The following RBP5 variants were observed in gnomAD, a reference collection of about 807,000 sequenced individuals.
The protein encoded by RBP5 is retinol binding protein 5, also known as retinol-binding protein 5.
RBP5 carries 12 observed loss-of-function variants against 17.8 expected under a neutral mutation model. That is an observed-to-expected ratio of 0.67 (90% confidence interval 0.43 to 1.09). RBP5 has a LOEUF of 1.09. Ranked by LOEUF, RBP5 falls within the 50% of genes least tolerant of loss-of-function variation. RBP5 has a pLI of 0.00. For missense variants in RBP5, 172 were observed against 169.4 expected, an observed-to-expected ratio of 1.02 and a Z score of -0.09; for synonymous variants, 64 against 68.1, an observed-to-expected ratio of 0.94 and a Z score of 0.30.
downstream of RBP5, chr12:7,121,977 A>T (rs2290240): frequency 0.19 from 28,869 of 154,292 alleles, 3,048 homozygotes; most frequent in East Asian, 0.44. Flanking sequence ...CTCCACTCAC[A>T]TCTTGGTCCC....
In RBP5 at chr12:7,124,744, A is replaced by C. The variant is rs1565644776; in HGVS notation, c.253-14T>G. On this transcript the variant is annotated splice_polypyrimidine_tract_variant and intron_variant, in intron 2 of 3. Coordinates refer to ENST00000266560, the MANE Select transcript of RBP5 (RefSeq NM_031491.4). This position sits in a 1 kb window ranked among gnomAD's most constrained non-coding sequence, Gnocchi z 5.3. ...GGTTACTATGGTCTATAGGGGAAAG[A>C]GGGAGTAAAGAAAGATTAGGAGGCA... 1 of 1,502,448 alleles carries C rather than the reference A, an allele frequency of 6.7e-7. No homozygotes were observed. The allele number at this position is 1,502,448 out of a possible 1,614,324, so 93.1% of individuals were successfully genotyped here.
At position 7,117,659 on chromosome 12, in the gene RBP5, C is replaced by A. The variant is rs979640261; in HGVS notation, n.890-352G>T. 1 of 152,024 alleles carries A rather than the reference C, an allele frequency of 6.6e-6. No homozygotes were observed. The highest frequency in any genetic ancestry group is 2.4e-5 in the African/African-American group (1 of 41,342). 9.4% of individuals were successfully genotyped at this position (152,024 alleles called of 1,614,324 possible). A position where few individuals can be genotyped will look rare whatever the true frequency, so the allele number is the denominator to read the frequency against. ...GAAGACAGCATAGGTTTCAAAAGAA[C>A]CAAGAAGCTGTTGAAAAGGAGAGCA... is the stretch of plus-strand genomic sequence containing the variant. On this transcript the variant is annotated intron_variant and non_coding_transcript_variant, in intron 3 of 3. Transcript: ENST00000619522. This position sits in a 1 kb window ranked among gnomAD's most constrained non-coding sequence, Gnocchi z 4.9.
At chr12:7,116,109 A>G (rs963647692) in exon 4 of RBP5, 5 of 152,228 alleles carry the variant, frequency 3.3e-5, no homozygotes, top group African/African-American at 9.7e-5. Flanking sequence ...GGCTTTAGAT[A>G]TGGCACAACC....
rs754009963 is a variant in RBP5 at position 7,124,076 on chromosome 12, G to A, written c.*45C>T. ...GGCTTGAAGGGGGCACAACAAGAGC[G>A]TCTGTGAGCTGGTGCTGTCTGGAGG... On this transcript the variant is annotated 3_prime_UTR_variant, in exon 4 of 4. Transcript: ENST00000266560. The surrounding 1 kb of genome is among the most constrained non-coding windows in gnomAD (Gnocchi z 5.3). 4.9e-5 allele frequency: 77 copies of A among 1,584,660 alleles called. No homozygotes were observed. The highest frequency in any genetic ancestry group is 6.7e-5 in the African/African-American group (5 of 74,314).
downstream of RBP5, chr12:7,120,800 C>A (rs1259368706): frequency 6.6e-6 from 1 of 152,476 alleles, no homozygotes; most frequent in Non-Finnish European, 1.5e-5. Context: ...CTGAGGCGGG[C>A]AGATTGCTTG....
downstream of RBP5, chr12:7,121,027 C>CAAAAAA (rs111568025): frequency 4.3e-5 from 4 of 92,002 alleles, no homozygotes; most frequent in Admixed American, 2.5e-4. Context: ...GATTCTGTCT[C>CAAAAAA]AAAAAAAAAA....
chr12:7,128,153 G>A lies in RBP5; in HGVS notation c.252+87C>T. On this transcript the variant is annotated intron_variant, in intron 2 of 3. Transcript: ENST00000266560. This position sits in a 1 kb window ranked among gnomAD's most constrained non-coding sequence, Gnocchi z 5.3. ...TCCCCTCCTCCCCGCTGCTCTGGCTGGGGAAGGTCACTTTGTTTTGCCCCA... is the reference window on the plus strand; with the variant it reads ...TCCCCTCCTCCCCGCTGCTCTGGCTAGGGAAGGTCACTTTGTTTTGCCCCA... 1 of 1,239,474 alleles carries A rather than the reference G, an allele frequency of 8.1e-7. No individual in the cohort carries two copies. The highest frequency in any genetic ancestry group is 1.1e-6 in the Non-Finnish European group (1 of 887,818). The allele number at this position is 1,239,474 out of a possible 1,614,324, so 76.8% of individuals were successfully genotyped here. A position where few individuals can be genotyped will look rare whatever the true frequency, so the allele number is the denominator to read the frequency against.
intron 2 of RBP5, chr12:7,127,399 G>A (rs887899712): frequency 2.7e-6 from 1 of 370,324 alleles, no homozygotes; most frequent in African/African-American, 2.0e-5. Context: ...CAAAGTCTTG[G>A]GATTATGGGT....
rs1424816847 is a variant in RBP5, at chr12:7,128,769, G to C, written c.7C>G (p.Pro3Ala). The change falls in exon 1 of 4, where the codon CCC (proline) becomes GCC (alanine). Residue 3 changes from proline to alanine, a missense_variant. By Grantham distance (27) the Pro-to-Ala change is conservative (BLOSUM62 -1). Transcript: ENST00000266560. The surrounding 1 kb of genome is among the most constrained non-coding windows in gnomAD (Gnocchi z 5.3). MP[P>A]NLTGYYRFVS... ...AAGCGGTAGTAGCCAGTGAGGTTGG[G>C]AGGCATTGTGTGGATGAAGGTTTCA... 1 of 1,600,606 alleles carries C rather than the reference G, an allele frequency of 6.2e-7. No individual in the cohort carries two copies. The highest frequency in any genetic ancestry group is 1.7e-5 in the Admixed American group (1 of 57,686).
intron 2 of RBP5, among the ~76,000 whole-genome samples, chr12:7,126,507 GGTGGTGTGTGTGT>G (rs1365324542): frequency 6.7e-5 from 2 of 29,812 alleles, no homozygotes; most frequent in Admixed American, 2.5e-4. Flanking sequence ...TGGTGGTGGT[GGTGGTGTGTGTGT>G]GTGTGTGTGT....
At position 7,128,782 on chromosome 12, in the gene RBP5, G is replaced by C; in HGVS notation, c.-7C>G. On this transcript the variant is annotated 5_prime_UTR_variant, in exon 1 of 4. It adds an upstream start codon to the 5' untranslated region. Transcript: ENST00000266560. The surrounding 1 kb of genome is among the most constrained non-coding windows in gnomAD (Gnocchi z 5.3). ...CAGTGAGGTTGGGAGGCATTGTGTG[G>C]ATGAAGGTTTCAGGAGAATGCAGGA... 1 of 1,594,682 alleles carries C rather than the reference G, an allele frequency of 6.3e-7. No homozygotes were observed. Among genetic ancestry groups the C allele is most frequent in the Non-Finnish European group, 8.5e-7 (1 of 1,170,172 alleles).
Position 7,124,682 on chromosome 12 carries a change from C to T in RBP5, c.301G>A (p.Glu101Lys). 6.2e-7 allele frequency: 1 copy of T among 1,613,376 alleles called. No homozygotes were observed. The highest frequency in any genetic ancestry group is 8.5e-7 in the Non-Finnish European group (1 of 1,179,362). ...EEHLVCVQKG[E>K]VPNRGWRHWL... ...TGTCTCCAGCCCCGGTTGGGGACCT[C>T]CCCTTTCTGCACACACACCAGGTGC... Residue 101 changes from glutamate (E) to lysine (K), a missense_variant, in exon 3 of 4, where the codon GAG (glutamate) becomes AAG (lysine). By Grantham distance (56) the Glu-to-Lys change is moderately conservative (BLOSUM62 1). Transcript: ENST00000266560. This position sits in a 1 kb window ranked among gnomAD's most constrained non-coding sequence, Gnocchi z 5.3.
downstream of RBP5, among the ~76,000 whole-genome samples, chr12:7,119,870 C>A (rs1036433209): frequency 6.6e-6 from 1 of 152,232 alleles, no homozygotes; most frequent in African/African-American, 2.4e-5. Flanking sequence ...TGTATATACT[C>A]CTGCAGCTAG....
chr12:7,129,598 C>A, upstream of RBP5: 2 of 985,428 alleles, frequency 2.0e-6, no homozygotes, highest in Non-Finnish European at 1.2e-6. The surrounding 1 kb of genome is among the most constrained non-coding windows in gnomAD (Gnocchi z 5.5). Context: ...ACCGTAACCC[C>A]CAGTCCCCAG....
downstream of RBP5, among the ~76,000 whole-genome samples, chr12:7,120,091 G>A (rs1939058816): frequency 6.6e-6 from 1 of 152,182 alleles, no homozygotes; most frequent in Non-Finnish European, 1.5e-5. Context: ...CCAGAGTAAA[G>A]TGAGGGCAGA....
chr12:7,119,192 T>C (rs752951724), downstream of RBP5, among the ~76,000 whole-genome samples: 13 of 56,072 alleles, frequency 2.3e-4, no homozygotes, highest in Admixed American at 5.3e-4. Flanking sequence ...CAGTACGTAC[T>C]GTGGGGGATG....
upstream of RBP5, chr12:7,129,760 G>T: frequency 1.0e-6 from 1 of 985,664 alleles, no homozygotes; most frequent in Middle Eastern, 5.2e-4. This position sits in a 1 kb window ranked among gnomAD's most constrained non-coding sequence, Gnocchi z 5.5. Context: ...GTTCATCATG[G>T]TTTAAGGTGA....
chr12:7,126,635 T>G (rs1939170292), intron 2 of RBP5, among the ~76,000 whole-genome samples: 1 of 151,616 alleles, frequency 6.6e-6, no homozygotes, highest in African/African-American at 2.4e-5. Context: ...GTTATTGCCA[T>G]TAGTGGAGAG....
Position 7,128,840 on chromosome 12 carries a change from C to A in RBP5, c.-65G>T, listed in dbSNP as rs1939226131. On this transcript the variant is annotated 5_prime_UTR_variant, in exon 1 of 4. Transcript: ENST00000266560. The surrounding 1 kb of genome is among the most constrained non-coding windows in gnomAD (Gnocchi z 5.3). ...TGAGGAAGGAGGGGGTGTTGTCTGG[C>A]AGGTGAGGCTGAGAGATTCCAGCCA... 1.5e-6 allele frequency: 2 copies of A among 1,302,726 alleles called. No individual in the cohort carries two copies. The highest frequency in any genetic ancestry group is 2.2e-6 in the Non-Finnish European group (2 of 919,340). The allele number at this position is 1,302,726 out of a possible 1,614,324, so 80.7% of individuals were successfully genotyped here.
Sources: gnomAD v4.1 joint callset for allele counts (sites outside exome capture counted in the v4.1 genomes callset) on GRCh38, gnomAD v4.1.1 for gene constraint, Gnocchi (gnomAD v3.1) non-coding constraint, MANE v1.5 for transcripts, NCBI Gene and HGNC (gene_info 2026-07-23, HGNC 2026-07-21) for gene names.